The following LYRM9 variants were observed in gnomAD, a reference collection of about 807,000 sequenced individuals.
LYRM9 encodes the protein LYR motif containing 9, also known as LYR motif-containing protein 9.
In LYRM9, 14 loss-of-function variants were observed where a neutral mutation model predicts 12.6. The ratio of observed to expected loss-of-function variants is 1.11; its 90% CI spans 0.73 to 1.73. The LOEUF is 1.73. LYRM9 is among the 40% of genes most tolerant of loss of function. The pLI is 0.00. For synonymous variants in LYRM9, 42 were observed against 35.1 expected (o/e 1.20, Z -0.69); for missense variants, 94 against 95.0 (o/e 0.99, Z 0.04).
chr17:27,890,391 G>GA (rs200918822), intron 1 of LYRM9, among the ~76,000 whole-genome samples: 24 of 148,476 alleles, frequency 1.6e-4, no homozygotes, highest in Middle Eastern at 3.5e-3. Flanking sequence ...CATATAGATG[G>GA]AAAAAAAAAA....
chr17:27,886,454 T>A lies in LYRM9; in HGVS notation c.-18-3742A>T, dbSNP rs1396112159. On this transcript the variant is annotated intron_variant, in intron 1 of 3. Transcript: ENST00000379102. The surrounding 1 kb of genome is among the most constrained non-coding windows in gnomAD (Gnocchi z 4.8). ...GCATCATTGCTAAAACTGCAGTCAA[T>A]GCCTCTGGGCCTGGCAACACTTGCC... 6.6e-6 allele frequency among the ~76,000 whole-genome samples: 1 copy of A among 152,218 alleles called. No homozygotes were observed. Among genetic ancestry groups the A allele is most frequent in the African/African-American group, 2.4e-5 (1 of 41,458 alleles).
At chr17:27,885,401 A>T (rs1355525061) in intron 1 of LYRM9, among the ~76,000 whole-genome samples, 1 of 152,074 alleles carries the variant, frequency 6.6e-6, no homozygotes, top group Non-Finnish European at 1.5e-5. Context: ...AGACCCTGAG[A>T]AAAAAACAAG....
chr17:27,891,862 C>T (rs1905463576), intron 1 of LYRM9: 1 of 152,246 alleles, frequency 6.6e-6, no homozygotes, highest in South Asian at 2.1e-4. Context: ...TTTGTAAAGA[C>T]CAACCTAGCT....
intron 1 of LYRM9, among the ~76,000 whole-genome samples, chr17:27,883,835 TAAAAAAAAAAAA>T (rs781375467): frequency 0.01 from 258 of 24,572 alleles, 7 homozygotes; most frequent in African/African-American, 0.03. Flanking sequence ...AGCCTTTTTC[TAAAAAAAAAAAA>T]AAAAAAAAAA....
intron 1 of LYRM9, chr17:27,883,189 C>T (rs1352475220): frequency 5.7e-6 from 2 of 348,210 alleles, no homozygotes; most frequent in Non-Finnish European, 1.2e-5. Flanking sequence ...GAGCTCATCA[C>T]AAATGTAGTC....
chr17:27,882,644 G>A lies in LYRM9; in HGVS notation c.51C>T (p.Tyr17=), dbSNP rs766064963. Residue 17 remains tyrosine, a synonymous_variant, in exon 2 of 4, where the codon TAC becomes TAT. Coordinates refer to ENST00000379102, the MANE Select transcript of LYRM9 (RefSeq NM_001076680.3). ...AELVRRPLQL[Y]RYLLRCCQQL... ...GCTGGCAACAGCGCAGCAAGTATCG[G>A]TAGAGCTGCAGTGGCCTCCGAACCA... 3 of 1,602,834 alleles carry A rather than the reference G, an allele frequency of 1.9e-6. No individual in the cohort carries two copies. In the East Asian group the frequency reaches 6.8e-5, roughly 36 times the overall value.
rs1022432366 is a variant in LYRM9 at position 27,879,387 on chromosome 17, G to T, written c.*86C>A. ...TGGCTTTCAGCCAACAAGGCCAATG[G>T]CTCTTCCAAACCAGCTGCTGCTGCT... On this transcript the variant is annotated 3_prime_UTR_variant, in exon 4 of 4. Transcript: ENST00000379102. 2.1e-5 allele frequency: 30 copies of T among 1,440,690 alleles called. No homozygotes were observed. The African/African-American group carries it at 3.6e-4, about 17-fold the overall frequency. 89.2% of individuals were successfully genotyped at this position (1,440,690 alleles called of 1,614,324 possible). A position where few individuals can be genotyped will look rare whatever the true frequency, so the allele number is the denominator to read the frequency against.
In LYRM9 at chr17:27,879,408, C is replaced by A; in HGVS notation, c.*65G>T. ...AATGGCTCTTCCAAACCAGCTGCTG[C>A]TGCTGAGCTCCAGAAGAGGGGCCTC... On this transcript the variant is annotated 3_prime_UTR_variant, in exon 4 of 4. Transcript: ENST00000379102. The A allele has an allele frequency of 6.6e-7, 1 of 1,512,302 alleles. No homozygotes were observed. Among genetic ancestry groups the A allele is most frequent in the East Asian group, 2.5e-5 (1 of 40,276 alleles). 93.7% of individuals were successfully genotyped at this position (1,512,302 alleles called of 1,614,324 possible).
At chr17:27,891,180 C>G (rs1030626747) in intron 1 of LYRM9, among the ~76,000 whole-genome samples, 1 of 152,140 alleles carries the variant, frequency 6.6e-6, no homozygotes, top group African/African-American at 2.4e-5. Flanking sequence ...CTACCCATGG[C>G]CTTCTGAGAT....
chr17:27,892,367 G>A (rs1388811220), intron 1 of LYRM9: 5 of 453,456 alleles, frequency 1.1e-5, no homozygotes, highest in South Asian at 3.1e-5. Context: ...ATATATATAC[G>A]GTTATTAGTC....
chr17:27,887,464 A>C (rs1439685706), intron 1 of LYRM9, among the ~76,000 whole-genome samples: 1 of 152,216 alleles, frequency 6.6e-6, no homozygotes, highest in Non-Finnish European at 1.5e-5. Flanking sequence ...ACTGGTCTAC[A>C]GAATAAAATC....
chr17:27,882,753 G>T, intron 1 of LYRM9, 41 bp from the exon 2 acceptor site: 3 of 1,527,952 alleles, frequency 2.0e-6, no homozygotes, highest in Non-Finnish European at 2.6e-6. Flanking sequence ...ATCAAGCCAA[G>T]TTCAGTACTC....
intron 1 of LYRM9, among the ~76,000 whole-genome samples, chr17:27,887,713 GGTGTGT>G (rs59760752): frequency 0.037 from 3,234 of 86,704 alleles, 52 homozygotes; most frequent in South Asian, 0.099. Flanking sequence ...TAGGAGGGAG[GGTGTGT>G]GTGTGTGTGT....
chr17:27,879,796 T>C (rs949560863), intron 3 of LYRM9: 64 of 542,488 alleles, frequency 1.2e-4, no homozygotes, highest in Non-Finnish European at 1.7e-4. Context: ...GTCCTTCTAA[T>C]ACCAGCATCT....
At chr17:27,885,701 C>CAAAAA (rs61615628) in intron 1 of LYRM9, among the ~76,000 whole-genome samples, 2 of 29,386 alleles carry the variant, frequency 6.8e-5, no homozygotes, top group African/African-American at 1.1e-4. Flanking sequence ...AACTCTGTCT[C>CAAAAA]AAAAAAAAAA....
At chr17:27,892,456 A>T in intron 1 of LYRM9, 1 of 453,778 alleles carries the variant, frequency 2.2e-6, no homozygotes, top group Non-Finnish European at 4.4e-6. Context: ...ACCAGAGGAA[A>T]CTAAAGCCAG....
chr17:27,882,438 G>A, intron 2 of LYRM9, 131 bp downstream of exon 2: 1 of 1,283,644 alleles, frequency 7.8e-7, no homozygotes, highest in Non-Finnish European at 1.0e-6. Flanking sequence ...CTGGTTTCCT[G>A]TGGCTCTTCC....
In LYRM9 at chr17:27,893,344, A is replaced by G. The variant is rs1046908567; in HGVS notation, c.-46T>C. ...GCCTCCAGGGGAACGCCAGCCCCGGACGCCGCCGCGGCGACGAGTGCGCCT... is the reference window on the plus strand; with the variant it reads ...GCCTCCAGGGGAACGCCAGCCCCGGGCGCCGCCGCGGCGACGAGTGCGCCT... On this transcript the variant is annotated 5_prime_UTR_variant, in exon 1 of 4. Transcript: ENST00000379102. 1 of 152,004 alleles carries G rather than the reference A, an allele frequency of 6.6e-6. No individual in the cohort carries two copies. 9.4% of individuals were successfully genotyped at this position (152,004 alleles called of 1,614,324 possible).
In LYRM9 at chr17:27,891,415, T is replaced by C. The variant is rs546762560; in HGVS notation, c.-19+1902A>G. Among the ~76,000 whole-genome samples the C allele has an allele frequency of 3.3e-5, 5 of 152,320 alleles. No individual in the cohort carries two copies. In the South Asian group the frequency reaches 1.0e-3, roughly 32 times the overall value. ...TCCCTAATAAATAGTATTTCCTACA[T>C]AGGACTGTTGTAAGGATGAAATAAC... On this transcript the variant is annotated intron_variant, in intron 1 of 3. Coordinates refer to ENST00000379102, the MANE Select transcript of LYRM9 (RefSeq NM_001076680.3).
Sources: gnomAD v4.1 joint callset for allele counts (sites outside exome capture counted in the v4.1 genomes callset) on GRCh38, gnomAD v4.1.1 for gene constraint, Gnocchi (gnomAD v3.1) non-coding constraint, MANE v1.5 for transcripts, NCBI Gene and HGNC (gene_info 2026-07-23, HGNC 2026-07-21) for gene names.